The following HDAC9 variants were observed in gnomAD, a reference collection of about 807,000 sequenced individuals.
HDAC9 encodes the protein MEF-2 interacting transcription repressor (MITR) protein.
HDAC9 carries 41 observed loss-of-function variants against 139.4 expected under a neutral mutation model. The ratio of observed to expected loss-of-function variants is 0.29; its 90% CI spans 0.23 to 0.38. The LOEUF is 0.38. Among genes scored for constraint, HDAC9 ranks in the 10% least tolerant of loss-of-function variants. The pLI, the probability that HDAC9 is intolerant of heterozygous loss-of-function variation, is 1.00. For synonymous variants in HDAC9, 517 were observed against 476.2 expected (o/e 1.09, Z -1.12); for missense variants, 1,147 against 1,297.0 (o/e 0.88, Z 1.78).
chr7:18,116,321 G>A (rs1179876036), intron 1 of HDAC9, among the ~76,000 whole-genome samples: 1 of 152,058 alleles, frequency 6.6e-6, no homozygotes, highest in Non-Finnish European at 1.5e-5. Flanking sequence ...GCTTGGAAAA[G>A]TTACATTTTA....
At chr7:18,258,383 G>A (rs1358206803) in intron 2 of HDAC9, among the ~76,000 whole-genome samples, 1 of 152,068 alleles carries the variant, frequency 6.6e-6, no homozygotes, top group Admixed American at 6.6e-5. Flanking sequence ...TTGGTTAAAC[G>A]AATACTGTTC....
chr7:18,682,076 A>C (rs1781927313), intron 12 of HDAC9, among the ~76,000 whole-genome samples: 1 of 152,102 alleles, frequency 6.6e-6, no homozygotes, highest in African/African-American at 2.4e-5. Context: ...CTAAAAATTT[A>C]AATTCTCTTT....
rs756505499 is a variant in HDAC9 at position 18,644,629 on chromosome 7, G to A, written c.913-42G>A. 4 of 1,544,246 alleles carry A rather than the reference G, an allele frequency of 2.6e-6. No individual in the cohort carries two copies. The African/African-American group carries it at 4.1e-5, about 16-fold the overall frequency. The stretch of plus-strand genomic sequence containing the variant: ...ATGAGAACATTTTACAGTAAAATTT[G>A]TGATACTGTGGTATTTTGAGACTCT... On this transcript the variant is annotated intron_variant, in intron 8 of 25. Transcript: ENST00000686413.
At chr7:18,523,044 G>T (rs1805586874) in intron 2 of HDAC9, among the ~76,000 whole-genome samples, 1 of 152,116 alleles carries the variant, frequency 6.6e-6, no homozygotes, top group Non-Finnish European at 1.5e-5. Context: ...GAGAAGGCCT[G>T]GGAAGCCTTT....
At chr7:18,187,119 T>C (rs1789976120) in intron 2 of HDAC9, among the ~76,000 whole-genome samples, 1 of 152,226 alleles carries the variant, frequency 6.6e-6, no homozygotes, top group African/African-American at 2.4e-5. Context: ...ATTGAGTACC[T>C]ACTATGTCCC....
intron 1 of HDAC9, among the ~76,000 whole-genome samples, chr7:18,428,295 G>T (rs1267083673): frequency 6.6e-6 from 1 of 152,056 alleles, no homozygotes; most frequent in Non-Finnish European, 1.5e-5. Flanking sequence ...AAACTGAAAA[G>T]CTTCTACACA....
Position 18,453,017 on chromosome 7 carries a change from A to G in HDAC9, c.-41-43245A>G, listed in dbSNP as rs942528669. On this transcript the variant is annotated intron_variant, in intron 1 of 3. Transcript: ENST00000413509. The stretch of plus-strand genomic sequence containing the variant: ...CTTTTTTTCCCAATGTAAGTTTACC[A>G]TGATTTTGCTTTTTTCTTATTCCTG... Among the ~76,000 whole-genome samples the G allele has an allele frequency of 3.9e-5, 6 of 152,282 alleles. No individual in the cohort carries two copies. The South Asian group carries it at 6.2e-4, about 16-fold the overall frequency.
intron 12 of HDAC9, among the ~76,000 whole-genome samples, chr7:18,698,255 C>T (rs1344692775): frequency 6.6e-6 from 1 of 152,116 alleles, no homozygotes; most frequent in Non-Finnish European, 1.5e-5. Context: ...TTCTAAAATT[C>T]GTCATTCTTA....
At chr7:18,744,611 T>C (rs1257490710) in intron 13 of HDAC9, among the ~76,000 whole-genome samples, 1 of 152,180 alleles carries the variant, frequency 6.6e-6, no homozygotes, top group Non-Finnish European at 1.5e-5. Context: ...ATAGACAAGA[T>C]AAATTGTCTA....
intron 21 of HDAC9, among the ~76,000 whole-genome samples, chr7:18,872,454 T>A (rs1477793084): frequency 6.6e-6 from 1 of 152,124 alleles, no homozygotes; most frequent in Non-Finnish European, 1.5e-5. Flanking sequence ...AACAAAATAT[T>A]TGCATTCATC....
intron 23 of HDAC9, among the ~76,000 whole-genome samples, chr7:18,951,702 C>G (rs898684104): frequency 6.6e-6 from 1 of 151,764 alleles, no homozygotes; most frequent in Non-Finnish European, 1.5e-5. Context: ...CATAGCAAAA[C>G]TTTACCACAT....
chr7:18,872,346 C>G (rs1012902994), intron 21 of HDAC9, among the ~76,000 whole-genome samples: 1 of 152,062 alleles, frequency 6.6e-6, no homozygotes, highest in Non-Finnish European at 1.5e-5. Context: ...AGCAAATGTG[C>G]AATTTGCTTC....
intron 17 of HDAC9, among the ~76,000 whole-genome samples, chr7:18,810,137 A>G (rs901095717): frequency 1.3e-5 from 2 of 151,912 alleles, no homozygotes; most frequent in African/African-American, 4.8e-5. Context: ...GGGTTCTAAA[A>G]TAGTTGAGCT....
At position 18,704,925 on chromosome 7, in the gene HDAC9, A is replaced by C. The variant is rs138375228; in HGVS notation, c.1732-22655A>C. ...TATAAGAAATGGAATATTTTGTTTT[A>C]TTGATATGAGGAAATGATATACATC... On this transcript the variant is annotated intron_variant, in intron 12 of 25. Coordinates refer to ENST00000686413, the MANE Select transcript of HDAC9 (RefSeq NM_178425.4). 2.6e-3 allele frequency among the ~76,000 whole-genome samples: 390 copies of C among 152,342 alleles called. 1 individual carries two copies. The highest frequency in any genetic ancestry group is 9.0e-3 in the African/African-American group (373 of 41,596).
rs1241379142 is a variant in HDAC9 at position 18,999,625 on chromosome 7, G to T, written c.*3563G>T. The T allele has an allele frequency of 1.3e-5, 2 of 152,104 alleles. No homozygotes were observed. Among genetic ancestry groups the T allele is most frequent in the African/African-American group, 4.8e-5 (2 of 41,410 alleles). The allele number at this position is 152,104 out of a possible 1,614,324, so 9.4% of individuals were successfully genotyped here. ...GGCTAATTTTTGTATTTTTAGTAGAGACGGGGTTTCTCCATGTTGGTCAGG... is the reference window on the plus strand; with the variant it reads ...GGCTAATTTTTGTATTTTTAGTAGATACGGGGTTTCTCCATGTTGGTCAGG... On this transcript the variant is annotated 3_prime_UTR_variant, in exon 26 of 26. Coordinates refer to ENST00000686413, the MANE Select transcript of HDAC9 (RefSeq NM_178425.4).
chr7:18,771,670 T>C (rs1159504778), intron 16 of HDAC9, among the ~76,000 whole-genome samples: 1 of 152,060 alleles, frequency 6.6e-6, no homozygotes, highest in Non-Finnish European at 1.5e-5. Flanking sequence ...TTACACCACA[T>C]TGGTCCTTCA....
chr7:18,454,833 T>C (rs896352092), intron 1 of HDAC9, among the ~76,000 whole-genome samples: 1 of 152,070 alleles, frequency 6.6e-6, no homozygotes, highest in Non-Finnish European at 1.5e-5. Flanking sequence ...TATAATTATT[T>C]TTCTATAGCT....
At chr7:18,182,170 T>C (rs996875581) in intron 2 of HDAC9, among the ~76,000 whole-genome samples, 1 of 152,180 alleles carries the variant, frequency 6.6e-6, no homozygotes, top group African/African-American at 2.4e-5. Context: ...CTTGAAGAGC[T>C]TGAGAATTCT....
intron 1 of HDAC9, among the ~76,000 whole-genome samples, chr7:18,157,928 A>G (rs1224956546): frequency 2.0e-5 from 3 of 152,038 alleles, no homozygotes; most frequent in Non-Finnish European, 4.4e-5. Context: ...TGATCTGTAT[A>G]GTGATTGTGA....
Sources: allele counts gnomAD v4.1 joint callset (sites outside exome capture counted in the v4.1 genomes callset), GRCh38; gene constraint gnomAD v4.1.1; transcripts MANE v1.5; gene names NCBI Gene and HGNC (gene_info 2026-07-23, HGNC 2026-07-21).